Variants in SHOC1 observed in about 807,000 individuals in gnomAD.
SHOC1 encodes shortage in chiasmata 1, also known as protein shortage in chiasmata 1 ortholog.
A neutral mutation model predicts 179.2 loss-of-function variants in SHOC1; 136 were observed. That is an observed-to-expected ratio of 0.76 (90% CI 0.66 to 0.87). The LOEUF is 0.87. Among genes scored for constraint, SHOC1 ranks in the 40% least tolerant of loss-of-function variants. The pLI, the probability that SHOC1 is intolerant of heterozygous loss-of-function variation, is 0.00. For synonymous variants in SHOC1, 489 were observed against 586.6 expected (o/e 0.83, Z 2.41); for missense variants, 1,538 against 1,700.8 (o/e 0.90, Z 1.68).
chr9:111,745,028 A>G (rs1031299636), intron 10 of SHOC1, among the ~76,000 whole-genome samples: 21 of 152,198 alleles, frequency 1.4e-4, no homozygotes, highest in Admixed American at 6.5e-4. Context: ...GAACAAGTTT[A>G]CGAATCAAGC....
rs538583652 is a variant in SHOC1 at position 111,729,103 on chromosome 9, G to A, written c.1418-1054C>T. ...TAAGTCATAAACTTTTTGCAAAGGT[G>A]GGGGGTTCTTTTTTCTTTTTTTTTC... On this transcript the variant is annotated intron_variant, in intron 12 of 27. Transcript: ENST00000682961. 3.2e-4 allele frequency among the ~76,000 whole-genome samples: 46 copies of A among 145,702 alleles called. 1 individual carries two copies. In the East Asian group the frequency reaches 7.4e-3, roughly 23 times the overall value.
Position 111,702,222 on chromosome 9 carries a change from A to G in SHOC1, c.2972T>C (p.Leu991Pro), listed in dbSNP as rs764077805. The G allele has an allele frequency of 5.0e-6, 7 of 1,413,998 alleles. No homozygotes were observed. Among genetic ancestry groups the G allele is most frequent in the Non-Finnish European group, 6.9e-6 (7 of 1,010,930 alleles). 87.6% of individuals were successfully genotyped at this position (1,413,998 alleles called of 1,614,324 possible). ...TGCCTTCTCATAATTCAATTCTTCTAGATCCTATCAGAAAATAAAGAAAAT... is the reference window on the plus strand; with the variant it reads ...TGCCTTCTCATAATTCAATTCTTCTGGATCCTATCAGAAAATAAAGAAAAT... ...DEHTAIILQD[L>P]EELNYEKASD... The change falls in exon 23 of 28, where the codon CTA becomes CCA. Residue 991 changes from leucine to proline, a missense_variant. Transcript: ENST00000682961.
chr9:111,727,610 C>A lies in SHOC1; in HGVS notation c.1834+23G>T, dbSNP rs756480832. ...GTCCTTGAGCCTACCATATCTACGG[C>A]AAAATATTATTAAATTACTTACCAT... On this transcript the variant is annotated intron_variant, in intron 13 of 27. Transcript: ENST00000682961. 2.0e-6 allele frequency: 3 copies of A among 1,533,654 alleles called. No homozygotes were observed. In the Admixed American group the frequency reaches 6.4e-5, roughly 33 times the overall value.
At chr9:111,694,967 TA>T (rs1390189816) in intron 24 of SHOC1, among the ~76,000 whole-genome samples, 1 of 152,096 alleles carries the variant, frequency 6.6e-6, no homozygotes, top group Non-Finnish European at 1.5e-5. Context: ...AATTTAATTC[TA>T]AAAAATAATT....
chr9:111,779,589 T>C (rs1835960490), intron 4 of SHOC1, among the ~76,000 whole-genome samples: 1 of 152,196 alleles, frequency 6.6e-6, no homozygotes, highest in Non-Finnish European at 1.5e-5. Context: ...TTCCTACTTC[T>C]GTGAAGCTGA....
intron 7 of SHOC1, 57 bp from the exon 8 acceptor site, chr9:111,756,535 G>T: frequency 6.7e-7 from 1 of 1,488,656 alleles, no homozygotes; most frequent in Non-Finnish European, 9.0e-7. Context: ...AAATATTTTC[G>T]AAATCATAAG....
At chr9:111,698,761 T>G (rs1831826693) in intron 24 of SHOC1, among the ~76,000 whole-genome samples, 2 of 152,132 alleles carry the variant, frequency 1.3e-5, no homozygotes, top group South Asian at 4.1e-4. Context: ...ATGACATGTT[T>G]GTGCAAAGGC....
At chr9:111,758,999 G>A in intron 5 of SHOC1, 151 bp from the exon 6 acceptor site, 2 of 926,930 alleles carry the variant, frequency 2.2e-6, no homozygotes, top group South Asian at 3.4e-5. Flanking sequence ...TGTGCATATA[G>A]AGCATGTAGC....
intron 12 of SHOC1, among the ~76,000 whole-genome samples, chr9:111,731,122 C>T (rs897513129): frequency 1.3e-5 from 2 of 152,142 alleles, no homozygotes; most frequent in East Asian, 1.9e-4. Flanking sequence ...TTGTACTGGG[C>T]TTTGGCTTAA....
chr9:111,779,258 C>T (rs772637747), intron 4 of SHOC1, among the ~76,000 whole-genome samples: 69 of 152,140 alleles, frequency 4.5e-4, no homozygotes, highest in Non-Finnish European at 1.6e-4. Context: ...CCAGAATAGG[C>T]AAATCAACAG....
intron 15 of SHOC1, among the ~76,000 whole-genome samples, chr9:111,718,826 A>C (rs1385963031): frequency 6.6e-6 from 1 of 152,136 alleles, no homozygotes; most frequent in African/African-American, 2.4e-5. Context: ...TTATTGCCTA[A>C]TTGTGTTCCA....
chr9:111,733,857 C>CA (rs35324199), intron 12 of SHOC1, among the ~76,000 whole-genome samples: 118 of 132,166 alleles, frequency 8.9e-4, no homozygotes, highest in East Asian at 2.7e-3. Flanking sequence ...GACTCTGTCT[C>CA]AAAAAAAAAA....
At chr9:111,779,901 A>C (rs939381807) in intron 4 of SHOC1, among the ~76,000 whole-genome samples, 7 of 152,240 alleles carry the variant, frequency 4.6e-5, no homozygotes, top group African/African-American at 1.7e-4. Context: ...CAAAGTAGTT[A>C]GCACTTGACT....
At chr9:111,711,459 G>A (rs1021340364) in intron 18 of SHOC1, among the ~76,000 whole-genome samples, 3 of 152,172 alleles carry the variant, frequency 2.0e-5, no homozygotes, top group Admixed American at 6.5e-5. Flanking sequence ...TTCAATCTGT[G>A]AGATGGGGGT....
At chr9:111,786,813 C>A (rs1480700565) in intron 2 of SHOC1, among the ~76,000 whole-genome samples, 2 of 152,110 alleles carry the variant, frequency 1.3e-5, no homozygotes, top group Non-Finnish European at 2.9e-5. Flanking sequence ...GAAGAAGATG[C>A]CAACGAGGAC....
Position 111,714,639 on chromosome 9 carries a change from T to C in SHOC1, c.2237-16A>G, listed in dbSNP as rs1268153767. The C allele has an allele frequency of 1.3e-6, 2 of 1,588,198 alleles. No individual in the cohort carries two copies. The highest frequency in any genetic ancestry group is 2.3e-5 in the East Asian group (1 of 44,382). ...GACAAATATCCTATTGAAGCAAAAT[T>C]AGAAAAAAATTGTCTAAGTATTTGT... On this transcript the variant is annotated splice_polypyrimidine_tract_variant and intron_variant, in intron 16 of 27. Transcript: ENST00000682961.
rs760624504 is a variant in SHOC1 at position 111,756,488 on chromosome 9, C to T, written c.709-10G>A. On this transcript the variant is annotated splice_polypyrimidine_tract_variant and intron_variant, in intron 7 of 27. Transcript: ENST00000682961. ...TAAGAAAACTTGACGGCTGAAAAAA[C>T]ATAGTTTAAAAAAGTTTTTAGAGAG... 3.8e-6 allele frequency: 6 copies of T among 1,582,772 alleles called. No individual in the cohort carries two copies. In the South Asian group the frequency reaches 7.2e-5, roughly 19 times the overall value.
In SHOC1 at chr9:111,736,604, T is replaced by C. The variant is rs564857669; in HGVS notation, c.1417+1676A>G. The stretch of plus-strand genomic sequence containing the variant: ...TATTTACATGTGAGACCTTAAACTA[T>C]AAGAATCATAGAGGAAAACCTAGGA... On this transcript the variant is annotated intron_variant, in intron 12 of 27. Coordinates refer to ENST00000682961, the MANE Select transcript of SHOC1 (RefSeq NM_001378211.1). Among the ~76,000 whole-genome samples, 146 of 152,250 alleles carry C rather than the reference T, an allele frequency of 9.6e-4. 1 individual carries two copies. The highest frequency in any genetic ancestry group is 3.3e-3 in the African/African-American group (136 of 41,560).
At chr9:111,722,293 A>G in intron 15 of SHOC1, 116 bp downstream of exon 15, 1 of 902,094 alleles carries the variant, frequency 1.1e-6, no homozygotes, top group Non-Finnish European at 1.6e-6. Context: ...GCTGAATTAC[A>G]GTCATGCCAC....
Sources: gnomAD v4.1 joint callset for allele counts (sites outside exome capture counted in the v4.1 genomes callset) on GRCh38, gnomAD v4.1.1 for gene constraint, MANE v1.5 for transcripts, NCBI Gene and HGNC (gene_info 2026-07-23, HGNC 2026-07-21) for gene names.